Variants in ERCC6L2 observed in about 807,000 individuals in gnomAD.
ERCC6L2 encodes DNA excision repair protein ERCC-6-like 2.
ERCC6L2 carries 77 observed loss-of-function variants against 132.0 expected under a neutral mutation model. The ratio of observed to expected loss-of-function variants is 0.58; its 90% CI spans 0.49 to 0.71. The LOEUF (loss-of-function observed/expected upper bound fraction) is 0.71. ERCC6L2 is among the 30% of genes least tolerant of loss of function. The pLI is 0.00. For missense variants in ERCC6L2, 1,542 were observed against 1,837.6 expected (o/e 0.84, Z 2.94); for synonymous variants, 583 against 632.4 (o/e 0.92, Z 1.17).
intron 16 of ERCC6L2, among the ~76,000 whole-genome samples, chr9:95,975,317 A>C (rs1239498043): frequency 6.6e-6 from 1 of 152,132 alleles, no homozygotes; most frequent in African/African-American, 2.4e-5. Context: ...GTTCATGAGA[A>C]TAATATTCCC....
chr9:95,936,086 G>A (rs543271345), intron 11 of ERCC6L2, among the ~76,000 whole-genome samples: 7 of 152,140 alleles, frequency 4.6e-5, no homozygotes, highest in Non-Finnish European at 8.8e-5. Flanking sequence ...AAAGGGCAGT[G>A]GTAATAGGAA....
chr9:95,973,155 G>A (rs1285135001), intron 16 of ERCC6L2, 67 bp downstream of exon 16: 8 of 1,058,506 alleles, frequency 7.6e-6, no homozygotes, highest in Admixed American at 7.1e-5. Flanking sequence ...TCTGTGAGAC[G>A]CTTTGAATTA....
In ERCC6L2 at chr9:96,030,513, C is replaced by T. The variant is rs1009557581; in HGVS notation, c.*1504-8363C>T. ...GCGATCTAGACTATCCTGGCTAACA[C>T]GGTGAAACCCCGTCTCTACTAAAAA... On this transcript the variant is annotated intron_variant and NMD_transcript_variant, in intron 19 of 20. Coordinates refer to the ERCC6L2 transcript ENST00000670016. Among the ~76,000 whole-genome samples, 13 of 151,932 alleles carry T rather than the reference C, an allele frequency of 8.6e-5. No individual in the cohort carries two copies. In the East Asian group the frequency reaches 9.7e-4, roughly 11 times the overall value.
At chr9:95,903,028 C>T in intron 3 of ERCC6L2, among the ~76,000 whole-genome samples, 1 of 151,842 alleles carries the variant, frequency 6.6e-6, no homozygotes, top group Non-Finnish European at 1.5e-5. Context: ...TTATGTTTGC[C>T]TAGAAAAGCC....
At position 95,972,569 on chromosome 9, in the gene ERCC6L2, A is replaced by G. The variant is rs193256081; in HGVS notation, c.2818A>G (p.Arg940Gly). ...TGAAACAGAACACACTGTAAAAACA[A>G]GAAATAATGATAATAGTCGAAACAC... is the stretch of plus-strand genomic sequence containing the variant. Reference protein sequence around the residue: ...DSETEHTVKTRNNDNSRNTDD... With the variant: ...DSETEHTVKTGNNDNSRNTDD... Residue 940 changes from arginine (R) to glycine (G), a missense_variant, in exon 16 of 19, where the codon AGA (arginine) becomes GGA (glycine). Arg to Gly is a moderately radical substitution (Grantham distance 125). Transcript: ENST00000653738. 6.9e-5 allele frequency: 89 copies of G among 1,289,666 alleles called. No individual in the cohort carries two copies. The African/African-American group carries it at 1.3e-3, about 18-fold the overall frequency. The allele number at this position is 1,289,666 out of a possible 1,614,324, so 79.9% of individuals were successfully genotyped here. A position where few individuals can be genotyped will look rare whatever the true frequency, so the allele number is the denominator to read the frequency against.
intron 17 of ERCC6L2, among the ~76,000 whole-genome samples, chr9:95,986,846 T>TA (rs1833115824): frequency 6.6e-6 from 1 of 152,162 alleles, no homozygotes; most frequent in South Asian, 2.1e-4. Flanking sequence ...ACATTGCTGT[T>TA]AAAGACACAC....
chr9:96,015,015 GTTTTT>G lies in ERCC6L2; in HGVS notation c.*1833_*1837del, dbSNP rs767745101. On this transcript the variant is annotated 3_prime_UTR_variant, in exon 19 of 19. Coordinates refer to ENST00000653738, the MANE Select transcript of ERCC6L2 (RefSeq NM_020207.7). ...GCTCTATAGTCTTCATATATGTACA[GTTTTT>G]TTTTTTTTTTTTTTTTTTTTGAGAT... 4.6e-5 allele frequency among the ~76,000 whole-genome samples: 3 copies of G among 65,426 alleles called. No homozygotes were observed. The highest frequency in any genetic ancestry group is 1.3e-4 in the African/African-American group (2 of 15,894). The allele number at this position is 65,426 out of a possible 152,430, so 42.9% of individuals were successfully genotyped here.
At chr9:95,917,044 T>G (rs1289386022) in intron 6 of ERCC6L2, among the ~76,000 whole-genome samples, 2 of 152,146 alleles carry the variant, frequency 1.3e-5, no homozygotes, top group African/African-American at 4.8e-5. Flanking sequence ...CTCTCTGCAG[T>G]GTGTTTTCTG....
At chr9:95,978,805 T>C (rs796574539) in intron 17 of ERCC6L2, among the ~76,000 whole-genome samples, 4 of 152,304 alleles carry the variant, frequency 2.6e-5, no homozygotes, top group African/African-American at 9.6e-5. Context: ...TTCTAAGAGC[T>C]AAGTGCCTCA....
At position 96,033,796 on chromosome 9, in the gene ERCC6L2, A is replaced by T. The variant is rs183067026; in HGVS notation, c.*1504-5080A>T. 2.4e-4 allele frequency among the ~76,000 whole-genome samples: 36 copies of T among 152,304 alleles called. 1 individual carries two copies. The East Asian group carries it at 3.9e-3, about 16-fold the overall frequency. On this transcript the variant is annotated intron_variant and NMD_transcript_variant, in intron 19 of 20. Transcript: ENST00000670016. ...AGAAACAACTTATTTAGGGGGTTCC[A>T]CACTCGATTCAAATCCAGATGCCCA...
intron 17 of ERCC6L2, among the ~76,000 whole-genome samples, chr9:95,984,433 C>G (rs1483175733): frequency 6.6e-6 from 1 of 151,482 alleles, no homozygotes; most frequent in African/African-American, 2.4e-5. Context: ...CCTTATATTT[C>G]TGATCCCCCA....
chr9:95,989,932 A>G (rs1489417213), intron 17 of ERCC6L2, among the ~76,000 whole-genome samples: 1 of 152,210 alleles, frequency 6.6e-6, no homozygotes. Context: ...GTTCTGAGGA[A>G]ATCTGGAGCC....
At chr9:95,879,663 A>T (rs763778277) in intron 1 of ERCC6L2, among the ~76,000 whole-genome samples, 21 of 152,180 alleles carry the variant, frequency 1.4e-4, no homozygotes, top group Non-Finnish European at 2.5e-4. Flanking sequence ...CTCTGTACTC[A>T]TTATTGTTAT....
At chr9:96,009,208 G>C (rs1261842128) in intron 18 of ERCC6L2, among the ~76,000 whole-genome samples, 1 of 152,230 alleles carries the variant, frequency 6.6e-6, no homozygotes, top group African/African-American at 2.4e-5. Flanking sequence ...CGTGGGCAGA[G>C]CGATGACAGA....
At chr9:95,878,283 A>G (rs1587829134) in intron 1 of ERCC6L2, among the ~76,000 whole-genome samples, 1 of 152,374 alleles carries the variant, frequency 6.6e-6, no homozygotes, top group African/African-American at 2.4e-5. Flanking sequence ...CTAAAGTAAC[A>G]AATAGCTAAT....
chr9:95,910,269 A>C (rs962430417), intron 4 of ERCC6L2, among the ~76,000 whole-genome samples: 5 of 152,138 alleles, frequency 3.3e-5, no homozygotes, highest in Admixed American at 6.5e-5. Flanking sequence ...GTGCACATGC[A>C]TTTATGATTG....
In ERCC6L2 at chr9:95,922,303, A is replaced by G; in HGVS notation, c.1300-2A>G. 1.3e-6 allele frequency: 2 copies of G among 1,563,834 alleles called. No homozygotes were observed. Among genetic ancestry groups the G allele is most frequent in the Non-Finnish European group, 8.8e-7 (1 of 1,136,014 alleles). On this transcript the variant is annotated splice_acceptor_variant, in intron 7 of 18. Coordinates refer to ENST00000653738, the MANE Select transcript of ERCC6L2 (RefSeq NM_020207.7). LOFTEE classifies it high-confidence loss of function. ...TTATTTTCTATATTTTTCTGGTTAC[A>G]GACCAATTCTCATGGTGAAACAGTG...
At position 95,972,185 on chromosome 9, in the gene ERCC6L2, A is replaced by G. The variant is rs745955582; in HGVS notation, c.2434A>G (p.Asn812Asp). ...KCKAVEDSDG[N>D]TASDDESSDE... ...TAAAGCAGTTGAGGATAGTGATGGA[A>G]ATACTGCCTCTGATGATGAAAGTTC... The change falls in exon 16 of 19, where the codon AAT becomes GAT. Residue 812 changes from asparagine (N) to aspartate (D), a missense_variant. Physicochemically the swap from Asn to Asp is conservative, Grantham distance 23 (BLOSUM62 1). Around this residue, in one of 4 missense-constraint regions of ERCC6L2, gnomAD observed 945 missense variants for 1,105.2 expected, o/e 0.86. Transcript: ENST00000653738. 31 of 1,304,144 alleles carry G rather than the reference A, an allele frequency of 2.4e-5. No individual in the cohort carries two copies. The South Asian group carries it at 3.7e-4, about 16-fold the overall frequency. 80.8% of individuals were successfully genotyped at this position (1,304,144 alleles called of 1,614,324 possible).
chr9:96,018,076 C>T lies in ERCC6L2; in HGVS notation c.*4873C>T, dbSNP rs917176790. Among the ~76,000 whole-genome samples the T allele has an allele frequency of 6.6e-5, 10 of 152,024 alleles. No homozygotes were observed. Among genetic ancestry groups the T allele is most frequent in the East Asian group, 3.9e-4 (2 of 5,186 alleles). On this transcript the variant is annotated 3_prime_UTR_variant, in exon 19 of 19. Coordinates refer to ENST00000653738, the MANE Select transcript of ERCC6L2 (RefSeq NM_020207.7). ...ACAAAGTAGAATGGTGGTTGCTAGA[C>T]GCTGGAGGGAGGGGAGAAAGGGGAG...
Sources: allele counts gnomAD v4.1 joint callset (sites outside exome capture counted in the v4.1 genomes callset), GRCh38; gene constraint gnomAD v4.1.1; regional missense constraint gnomAD v4.1.1; transcripts MANE v1.5; gene names NCBI Gene and HGNC (gene_info 2026-07-23, HGNC 2026-07-21).